FRMD4B: variants seen among roughly 807,000 people sequenced by gnomAD.
FRMD4B encodes the protein FERM domain containing 4B.
Under a neutral mutation model 141.5 loss-of-function variants are expected in FRMD4B, and 74 were observed. The observed-to-expected ratio is 0.52, with a 90% confidence interval of 0.43 to 0.63. The LOEUF is 0.63. Among genes scored for constraint, FRMD4B ranks in the 30% least tolerant of loss-of-function variants. FRMD4B has a pLI of 0.00. For missense variants in FRMD4B, 1,366 were observed against 1,253.4 expected (o/e 1.09, Z -1.36); for synonymous variants, 506 against 467.9 (o/e 1.08, Z -1.05).
At chr3:69,357,974 T>C (rs1703371983) in intron 1 of FRMD4B, among the ~76,000 whole-genome samples, 1 of 152,198 alleles carries the variant, frequency 6.6e-6, no homozygotes, top group African/African-American at 2.4e-5. Flanking sequence ...GGAAGTCAAA[T>C]ATGAAAACAC....
chr3:69,409,161 G>A (rs543438265), intron 2 of FRMD4B, among the ~76,000 whole-genome samples: 1 of 152,248 alleles, frequency 6.6e-6, no homozygotes, highest in African/African-American at 2.4e-5. Context: ...GGCATTGCTT[G>A]GTTCAGCACT....
chr3:69,310,577 C>A, intron 3 of FRMD4B: 1 of 231,698 alleles, frequency 4.3e-6, no homozygotes, highest in South Asian at 2.7e-5. Context: ...CACACACACA[C>A]ACACAGAGAG....
chr3:69,492,155 G>A (rs188423847), intron 1 of FRMD4B, among the ~76,000 whole-genome samples: 36 of 152,184 alleles, frequency 2.4e-4, no homozygotes, highest in Admixed American at 7.2e-4. Flanking sequence ...TTGGGGAGGC[G>A]GCAGAGCATG....
chr3:69,478,185 TTTTTG>T (rs2106970381), intron 1 of FRMD4B, among the ~76,000 whole-genome samples: 1 of 152,326 alleles, frequency 6.6e-6, no homozygotes, highest in African/African-American at 2.4e-5. Flanking sequence ...TTTGAAGGGT[TTTTTG>T]TGTCTCTATT....
chr3:69,250,726 C>CTTTTTTTTT (rs543092302), intron 5 of FRMD4B, among the ~76,000 whole-genome samples: 2 of 134,386 alleles, frequency 1.5e-5, no homozygotes, highest in African/African-American at 2.7e-5. Flanking sequence ...ATCAGTTTTC[C>CTTTTTTTTT]TTTTTTTTTT....
chr3:69,471,158 G>T (rs888223941), intron 1 of FRMD4B, among the ~76,000 whole-genome samples: 1 of 152,152 alleles, frequency 6.6e-6, no homozygotes, highest in African/African-American at 2.4e-5. Context: ...CTTTCAAGGG[G>T]TTTGGTGAGT....
At chr3:69,396,506 TAA>T (rs34819810) in intron 2 of FRMD4B, among the ~76,000 whole-genome samples, 3 of 138,120 alleles carry the variant, frequency 2.2e-5, no homozygotes, top group Admixed American at 7.3e-5. Context: ...CTCTGTCTCA[TAA>T]AAAAAAAAAA....
At chr3:69,200,889 C>G in intron 11 of FRMD4B, 2 of 456,890 alleles carry the variant, frequency 4.4e-6, no homozygotes, top group Middle Eastern at 3.3e-4. Context: ...TTCCCACACA[C>G]ATAAAAACCA....
chr3:69,254,765 A>G (rs144300502), intron 5 of FRMD4B, among the ~76,000 whole-genome samples: 1 of 152,314 alleles, frequency 6.6e-6, no homozygotes, highest in African/African-American at 2.4e-5. Flanking sequence ...CAGGTTACCA[A>G]TATAACATCA....
chr3:69,184,382 T>A (rs1453904331), intron 19 of FRMD4B, among the ~76,000 whole-genome samples: 1 of 152,246 alleles, frequency 6.6e-6, no homozygotes, highest in Non-Finnish European at 1.5e-5. Context: ...AAAGTTAAGT[T>A]GTACCTAACA....
chr3:69,476,019 CTG>C (rs1402548530), intron 1 of FRMD4B, among the ~76,000 whole-genome samples: 1 of 151,350 alleles, frequency 6.6e-6, no homozygotes, highest in Non-Finnish European at 1.5e-5. Context: ...TGAGAACTGT[CTG>C]TTCATGTCCT....
chr3:69,360,076 C>T (rs188654241), intron 1 of FRMD4B, among the ~76,000 whole-genome samples: 1 of 152,268 alleles, frequency 6.6e-6, no homozygotes, highest in East Asian at 1.9e-4. Context: ...TGTCTTTCTG[C>T]AGAACCTGGA....
chr3:69,378,212 G>C (rs1386831500), intron 1 of FRMD4B, among the ~76,000 whole-genome samples: 1 of 152,118 alleles, frequency 6.6e-6, no homozygotes, highest in Non-Finnish European at 1.5e-5. Flanking sequence ...TGCTACCTAA[G>C]GAACCAAATC....
intron 1 of FRMD4B, among the ~76,000 whole-genome samples, chr3:69,362,302 T>C (rs13061189): frequency 0.37 from 55,633 of 151,992 alleles, 12,132 homozygotes; most frequent in African/African-American, 0.61. Context: ...AGCCAGGAAG[T>C]AGCAGATGAA....
chr3:69,418,003 G>A (rs1471393594), intron 2 of FRMD4B, among the ~76,000 whole-genome samples: 3 of 152,054 alleles, frequency 2.0e-5, no homozygotes, highest in Non-Finnish European at 4.4e-5. Context: ...CAGGGGTCTT[G>A]TGATGGTATG....
intron 5 of FRMD4B, among the ~76,000 whole-genome samples, chr3:69,281,134 A>C (rs1243087668): frequency 1.5e-4 from 23 of 151,956 alleles, no homozygotes; most frequent in African/African-American, 5.5e-4. Flanking sequence ...GGGTTTCTCC[A>C]TGTTGGTCAG....
chr3:69,422,799 A>AG (rs1181520738), intron 2 of FRMD4B, among the ~76,000 whole-genome samples: 2 of 137,946 alleles, frequency 1.4e-5, no homozygotes, highest in Admixed American at 7.0e-5. Context: ...AAAATGAAAA[A>AG]GGAAAAAAAA....
intron 1 of FRMD4B, among the ~76,000 whole-genome samples, chr3:69,342,397 C>T (rs975177510): frequency 6.6e-6 from 1 of 152,096 alleles, no homozygotes; most frequent in South Asian, 2.1e-4. Context: ...CAGAGAGATT[C>T]AAATGTGGGC....
intron 7 of FRMD4B, among the ~76,000 whole-genome samples, chr3:69,246,280 T>A (rs2093425128): frequency 2.0e-5 from 3 of 151,956 alleles, no homozygotes; most frequent in South Asian, 4.2e-4. Context: ...ACATGGTGAA[T>A]CCCTGTTTCT....
Sources: allele counts gnomAD v4.1 joint callset (sites outside exome capture counted in the v4.1 genomes callset), GRCh38; gene constraint gnomAD v4.1.1; transcripts MANE v1.5; gene names NCBI Gene and HGNC (gene_info 2026-07-23, HGNC 2026-07-21).